The following SPPL2A variants were observed in gnomAD, a reference collection of about 807,000 sequenced individuals.
SPPL2A encodes the protein signal peptide peptidase-like 2A.
In SPPL2A, 51 loss-of-function variants were observed where a neutral mutation model predicts 63.8. That is an observed-to-expected ratio of 0.80 (90% CI 0.64 to 1.01). The LOEUF (loss-of-function observed/expected upper bound fraction) is 1.01. Among genes scored for constraint, SPPL2A ranks in the 50% least tolerant of loss-of-function variants. SPPL2A has a pLI of 0.00. For missense variants in SPPL2A, 553 were observed against 622.7 expected, an observed-to-expected ratio of 0.89 and a Z score of 1.19; for synonymous variants, 188 against 205.8, an observed-to-expected ratio of 0.91 and a Z score of 0.74.
At chr15:50,734,537 G>A (rs2062755690) in intron 8 of SPPL2A, among the ~76,000 whole-genome samples, 1 of 152,136 alleles carries the variant, frequency 6.6e-6, no homozygotes, top group Non-Finnish European at 1.5e-5. Context: ...GGTAGAGAGT[G>A]GGGGTGATAA....
At chr15:50,747,322 CTT>C (rs984678974) in intron 5 of SPPL2A, among the ~76,000 whole-genome samples, 171 bp downstream of exon 5, 1 of 152,156 alleles carries the variant, frequency 6.6e-6, no homozygotes, top group Non-Finnish European at 1.5e-5. Context: ...ATCTGTGACT[CTT>C]TTCTCTCTGG....
chr15:50,726,937 G>A (rs927709557), intron 10 of SPPL2A, among the ~76,000 whole-genome samples: 1 of 152,184 alleles, frequency 6.6e-6, no homozygotes, highest in African/African-American at 2.4e-5. Flanking sequence ...AGCTTCTCTA[G>A]CCTAACTCTC....
At chr15:50,732,818 T>A in intron 8 of SPPL2A, 134 bp from the exon 9 acceptor site, 1 of 599,504 alleles carries the variant, frequency 1.7e-6, no homozygotes, top group Non-Finnish European at 3.0e-6. Context: ...AGACAGATTC[T>A]CACTCTGTCA....
intron 3 of SPPL2A, 71 bp downstream of exon 3, chr15:50,748,617 A>C: frequency 9.8e-7 from 1 of 1,017,490 alleles, no homozygotes; most frequent in Non-Finnish European, 1.4e-6. Flanking sequence ...ACACACAAAG[A>C]CGTTAATTCC....
chr15:50,752,157 C>T (rs2062913178), intron 1 of SPPL2A, among the ~76,000 whole-genome samples: 1 of 151,944 alleles, frequency 6.6e-6, no homozygotes, highest in Admixed American at 6.6e-5. Context: ...AAGAGCTTTA[C>T]TCTCTCCCCT....
Position 50,749,663 on chromosome 15 carries a change from T to C in SPPL2A, c.150A>G (p.Thr50=), listed in dbSNP as rs568800996. 1.2e-6 allele frequency: 2 copies of C among 1,606,658 alleles called. No homozygotes were observed. The highest frequency in any genetic ancestry group is 2.2e-5 in the East Asian group (1 of 44,858). ...CATTTTCTAGGGTACTTGGAAGAGC[T>C]GTCCAATAAGGGTTATAAAGCATGC... The part of the protein sequence containing the change: ...DYCMLYNPYW[T]ALPSTLENAT... Residue 50 remains threonine (T), a synonymous_variant, in exon 2 of 15, where the codon ACA becomes ACG. Transcript: ENST00000261854.
chr15:50,741,923 A>G (rs1214221700), intron 5 of SPPL2A, among the ~76,000 whole-genome samples: 2 of 151,768 alleles, frequency 1.3e-5, no homozygotes, highest in Non-Finnish European at 2.9e-5. Context: ...CGAAGACCGC[A>G]TGCCACCGCA....
At chr15:50,728,272 G>C (rs2062701589) in intron 10 of SPPL2A, among the ~76,000 whole-genome samples, 1 of 152,164 alleles carries the variant, frequency 6.6e-6, no homozygotes, top group Admixed American at 6.6e-5. Context: ...CTCTCATGGG[G>C]TATCCTACAA....
At position 50,765,692 on chromosome 15, in the gene SPPL2A, C is replaced by T. The variant is rs1257165005; in HGVS notation, c.-159G>A. The stretch of plus-strand genomic sequence containing the variant: ...GGACCGCCGCTGCTACAGCGGCCGC[C>T]ACAGCAGCGCGACTTCCTCTTCCGG... On this transcript the variant is annotated 5_prime_UTR_variant, in exon 1 of 15. Transcript: ENST00000261854. 1 of 414,180 alleles carries T rather than the reference C, an allele frequency of 2.4e-6. No individual in the cohort carries two copies. Among genetic ancestry groups the T allele is most frequent in the Admixed American group, 4.5e-5 (1 of 22,240 alleles). 25.7% of individuals were successfully genotyped at this position (414,180 alleles called of 1,614,324 possible). A position where few individuals can be genotyped will look rare whatever the true frequency, so the allele number is the denominator to read the frequency against.
Position 50,765,564 on chromosome 15 carries a change from G to A in SPPL2A, c.-31C>T, listed in dbSNP as rs781502091. 7 of 1,394,240 alleles carry A rather than the reference G, an allele frequency of 5.0e-6. No homozygotes were observed. In the African/African-American group the frequency reaches 6.0e-5, roughly 12 times the overall value. The allele number at this position is 1,394,240 out of a possible 1,614,324, so 86.4% of individuals were successfully genotyped here. On this transcript the variant is annotated 5_prime_UTR_variant, in exon 1 of 15. Coordinates refer to ENST00000261854, the MANE Select transcript of SPPL2A (RefSeq NM_032802.4). ...TGGTGGGTGCCGGGTGGGACGGCAC[G>A]GTGCGGCGCAGCTCACTCGGCGGGG...
intron 8 of SPPL2A, 39 bp from the exon 9 acceptor site, chr15:50,732,723 T>C (rs1368560788): frequency 8.2e-7 from 1 of 1,223,692 alleles, no homozygotes; most frequent in African/African-American, 1.5e-5. Flanking sequence ...TTTATCAATG[T>C]TTAGATGAAG....
intron 12 of SPPL2A, 109 bp downstream of exon 12, chr15:50,725,112 G>T: frequency 1.3e-6 from 1 of 744,190 alleles, no homozygotes; most frequent in Non-Finnish European, 2.3e-6. Flanking sequence ...TCTAGTGACA[G>T]CCAGAAATAG....
chr15:50,752,129 C>A (rs1222172097), intron 1 of SPPL2A, among the ~76,000 whole-genome samples: 1 of 152,088 alleles, frequency 6.6e-6, no homozygotes, highest in Non-Finnish European at 1.5e-5. Flanking sequence ...CTGCACCCAG[C>A]CATATCCTTC....
intron 1 of SPPL2A, among the ~76,000 whole-genome samples, chr15:50,758,886 A>ATATCTATCTATCTATC (rs79216272): frequency 6.7e-6 from 1 of 149,586 alleles, no homozygotes; most frequent in Non-Finnish European, 1.5e-5. Context: ...TATAATAAGC[A>ATATCTATCTATCTATC]TATCTATCTA....
intron 5 of SPPL2A, among the ~76,000 whole-genome samples, chr15:50,741,228 A>T (rs1456756645): frequency 6.6e-6 from 1 of 152,150 alleles, no homozygotes; most frequent in Non-Finnish European, 1.5e-5. Flanking sequence ...ATACTTTTCA[A>T]CAACTCTGTT....
At chr15:50,731,121 AAT>A (rs1333660292) in intron 9 of SPPL2A, 82 bp from the exon 10 acceptor site, 1 of 624,762 alleles carries the variant, frequency 1.6e-6, no homozygotes, top group East Asian at 3.0e-5. Flanking sequence ...AGTGCAAATA[AAT>A]ATATGAATAT....
chr15:50,762,367 C>CAA (rs5812527), intron 1 of SPPL2A, among the ~76,000 whole-genome samples: 22 of 115,844 alleles, frequency 1.9e-4, no homozygotes, highest in African/African-American at 3.3e-4. Context: ...GACTCCATCT[C>CAA]AAAAAAAAAA....
chr15:50,721,182 C>G (rs1402379849), intron 13 of SPPL2A, among the ~76,000 whole-genome samples: 1 of 151,626 alleles, frequency 6.6e-6, no homozygotes, highest in African/African-American at 2.4e-5. Flanking sequence ...TACAGGTGTG[C>G]ACCACCATGC....
chr15:50,733,791 T>C (rs2062748773), intron 8 of SPPL2A, among the ~76,000 whole-genome samples: 1 of 151,674 alleles, frequency 6.6e-6, no homozygotes, highest in African/African-American at 2.4e-5. Context: ...AACCAGAATA[T>C]GTAAGGAGCT....
Sources: gnomAD v4.1 joint callset for allele counts (sites outside exome capture counted in the v4.1 genomes callset) on GRCh38, gnomAD v4.1.1 for gene constraint, MANE v1.5 for transcripts, NCBI Gene and HGNC (gene_info 2026-07-23, HGNC 2026-07-21) for gene names.